RNGTT: variants seen among roughly 807,000 people sequenced by gnomAD.
RNGTT encodes the protein mRNA-capping enzyme.
Under a neutral mutation model 79.3 loss-of-function variants are expected in RNGTT, and 33 were observed. That is an observed-to-expected ratio of 0.42 (90% CI 0.32 to 0.56). The LOEUF (loss-of-function observed/expected upper bound fraction) is 0.56. Ranked by LOEUF, RNGTT falls within the 20% of genes least tolerant of loss-of-function variation. The pLI, the probability that RNGTT is intolerant of heterozygous loss-of-function variation, is 0.17. For missense variants in RNGTT, 497 were observed against 739.1 expected (o/e 0.67, Z 3.80); for synonymous variants, 222 against 235.9 (o/e 0.94, Z 0.54).
intron 13 of RNGTT, among the ~76,000 whole-genome samples, chr6:88,693,730 A>T (rs1274453116): frequency 6.6e-6 from 1 of 152,208 alleles, no homozygotes; most frequent in Non-Finnish European, 1.5e-5. Context: ...CAAATTCAAT[A>T]GCACATTAAA....
At chr6:88,763,020 G>A (rs1253865579) in intron 13 of RNGTT, among the ~76,000 whole-genome samples, 1 of 150,954 alleles carries the variant, frequency 6.6e-6, no homozygotes, top group Non-Finnish European at 1.5e-5. Flanking sequence ...ACCTCCCCAG[G>A]CTCAGGTGTT....
At chr6:88,711,550 A>G (rs895029250) in intron 13 of RNGTT, among the ~76,000 whole-genome samples, 1 of 152,216 alleles carries the variant, frequency 6.6e-6, no homozygotes, top group Non-Finnish European at 1.5e-5. Context: ...ATTCCATGCA[A>G]TTCTGCTTAG....
At chr6:88,725,683 A>G (rs766175756) in intron 13 of RNGTT, among the ~76,000 whole-genome samples, 4 of 152,194 alleles carry the variant, frequency 2.6e-5, no homozygotes, top group Non-Finnish European at 4.4e-5. Flanking sequence ...TCTCAAAAAG[A>G]GGTGAGAAAT....
rs1772809487 is a variant in RNGTT at position 88,630,393 on chromosome 6, G to A, written c.1507-15998C>T. Reference sequence around the variant, plus strand: ...ATTTTTGCTTTTGGAATATTCCAGGGACCACAGTCCTTCAAATCCTACCAT... The same window carrying A: ...ATTTTTGCTTTTGGAATATTCCAGGAACCACAGTCCTTCAAATCCTACCAT... On this transcript the variant is annotated intron_variant, in intron 14 of 15. Coordinates refer to ENST00000369485, the MANE Select transcript of RNGTT (RefSeq NM_003800.5). 2.6e-5 allele frequency among the ~76,000 whole-genome samples: 4 copies of A among 152,086 alleles called. No homozygotes were observed. In the South Asian group the frequency reaches 8.3e-4, roughly 32 times the overall value.
chr6:88,850,267 G>C (rs1179302098), intron 9 of RNGTT, among the ~76,000 whole-genome samples: 1 of 151,816 alleles, frequency 6.6e-6, no homozygotes, highest in Non-Finnish European at 1.5e-5. Flanking sequence ...CCTCATTATA[G>C]ATTTAATTCC....
chr6:88,739,164 AT>A, intron 13 of RNGTT, among the ~76,000 whole-genome samples: 1 of 152,284 alleles, frequency 6.6e-6, no homozygotes, highest in South Asian at 2.1e-4. Flanking sequence ...AATCAAGCAT[AT>A]TAGAAGCATT....
At chr6:88,657,138 A>G (rs2127780322) in intron 14 of RNGTT, among the ~76,000 whole-genome samples, 1 of 152,224 alleles carries the variant, frequency 6.6e-6, no homozygotes, top group Middle Eastern at 3.4e-3. Flanking sequence ...GAAGTCACAG[A>G]CCCTTTGAAA....
Position 88,844,539 on chromosome 6 carries a change from T to A in RNGTT, c.1105-18A>T. On this transcript the variant is annotated intron_variant, in intron 10 of 15. Transcript: ENST00000369485. ...GGCTGTGACTGAATTAAATAAAGAA[T>A]TAGTTAAATTTCAACACTAACAACT... The A allele has an allele frequency of 6.3e-7, 1 of 1,593,500 alleles. No homozygotes were observed. Among genetic ancestry groups the A allele is most frequent in the Non-Finnish European group, 8.5e-7 (1 of 1,171,680 alleles).
At chr6:88,738,638 C>T (rs1051165527) in intron 13 of RNGTT, among the ~76,000 whole-genome samples, 5 of 151,832 alleles carry the variant, frequency 3.3e-5, no homozygotes, top group African/African-American at 1.2e-4. Context: ...AGAGTGAGAC[C>T]CCGTCTCAAA....
chr6:88,696,934 C>G (rs1055422305), intron 13 of RNGTT, among the ~76,000 whole-genome samples: 19 of 152,018 alleles, frequency 1.2e-4, no homozygotes, highest in Middle Eastern at 3.2e-3. Context: ...TTTTTTCAGT[C>G]TAAATTATAG....
intron 8 of RNGTT, among the ~76,000 whole-genome samples, chr6:88,880,919 T>A (rs1782676914): frequency 6.6e-6 from 1 of 152,186 alleles, no homozygotes; most frequent in Non-Finnish European, 1.5e-5. Context: ...TAAAATTCTA[T>A]CTTTTCCCAG....
At chr6:88,779,004 G>T (rs1352526849) in intron 12 of RNGTT, among the ~76,000 whole-genome samples, 1 of 152,092 alleles carries the variant, frequency 6.6e-6, no homozygotes, top group Non-Finnish European at 1.5e-5. Flanking sequence ...TTTTTGGAAT[G>T]TTGAAACTGC....
chr6:88,612,665 C>T lies in RNGTT; in HGVS notation c.*54G>A, dbSNP rs1041977292. The T allele has an allele frequency of 3.4e-6, 5 of 1,489,496 alleles. No individual in the cohort carries two copies. In the African/African-American group the frequency reaches 7.1e-5, roughly 21 times the overall value. 92.3% of individuals were successfully genotyped at this position (1,489,496 alleles called of 1,614,324 possible). ...TTTCTCTGGCTACAAAAATGGGCAA[C>T]AGCGTTTTTTCCTCATTCCTCTTTC... On this transcript the variant is annotated 3_prime_UTR_variant, in exon 16 of 16. Coordinates refer to ENST00000369485, the MANE Select transcript of RNGTT (RefSeq NM_003800.5).
intron 13 of RNGTT, chr6:88,714,417 G>C (rs1278845081): frequency 6.6e-6 from 1 of 152,086 alleles, no homozygotes; most frequent in Admixed American, 6.6e-5. Flanking sequence ...CCTGGGAAGA[G>C]TGACTCAAGC....
At chr6:88,958,564 A>G (rs1314941603) in intron 1 of RNGTT, among the ~76,000 whole-genome samples, 1 of 152,218 alleles carries the variant, frequency 6.6e-6, no homozygotes, top group African/African-American at 2.4e-5. Flanking sequence ...GACAAAGGAC[A>G]TGAACAGACA....
intron 15 of RNGTT, among the ~76,000 whole-genome samples, chr6:88,613,712 C>T (rs756172066): frequency 1.3e-5 from 2 of 152,140 alleles, no homozygotes; most frequent in African/African-American, 2.4e-5. Context: ...TAGTGGTATA[C>T]CTTATAAACT....
intron 14 of RNGTT, among the ~76,000 whole-genome samples, chr6:88,666,303 C>T (rs761996542): frequency 6.6e-6 from 1 of 152,208 alleles, no homozygotes; most frequent in Non-Finnish European, 1.5e-5. Context: ...GACGTAAGGC[C>T]GTGGCTGAGG....
At chr6:88,734,809 T>C (rs1163615246) in intron 13 of RNGTT, among the ~76,000 whole-genome samples, 1 of 152,164 alleles carries the variant, frequency 6.6e-6, no homozygotes, top group Non-Finnish European at 1.5e-5. Flanking sequence ...CAGTATTCAA[T>C]AAGCTACATG....
chr6:88,613,007 G>C lies in RNGTT; in HGVS notation c.1631-125C>G, dbSNP rs938919257. ...TTTCCATTTTACCCATTTGAGTGATGTGCTTCACATTGAACTATCTCCTCC... is the reference window on the plus strand; with the variant it reads ...TTTCCATTTTACCCATTTGAGTGATCTGCTTCACATTGAACTATCTCCTCC... On this transcript the variant is annotated intron_variant, in intron 15 of 15. Transcript: ENST00000369485. 5.9e-6 allele frequency: 5 copies of C among 854,448 alleles called. No homozygotes were observed. The African/African-American group carries it at 8.6e-5, about 15-fold the overall frequency. 52.9% of individuals were successfully genotyped at this position (854,448 alleles called of 1,614,324 possible).
Sources: gnomAD v4.1 joint callset for allele counts (sites outside exome capture counted in the v4.1 genomes callset) on GRCh38, gnomAD v4.1.1 for gene constraint, MANE v1.5 for transcripts, NCBI Gene and HGNC (gene_info 2026-07-23, HGNC 2026-07-21) for gene names.